The following CTNNA1 variants were observed in gnomAD, a reference collection of about 807,000 sequenced individuals.
CTNNA1 encodes catenin alpha-1.
CTNNA1 carries 37 observed loss-of-function variants against 98.4 expected under a neutral mutation model. The observed-to-expected ratio is 0.38, with a 90% confidence interval of 0.29 to 0.49. The LOEUF is 0.49. CTNNA1 is among the 20% of genes least tolerant of loss of function. The pLI is 0.95. For missense variants in CTNNA1, 761 were observed against 1,147.2 expected (o/e 0.66, Z 4.86); for synonymous variants, 404 against 413.2 (o/e 0.98, Z 0.27).
chr5:138,898,206 C>T (rs1757311940), intron 9 of CTNNA1, among the ~76,000 whole-genome samples: 1 of 116,890 alleles, frequency 8.6e-6, no homozygotes, highest in Non-Finnish European at 1.6e-5. Context: ...TGTGATATGT[C>T]TGCTCCCACC....
rs540261568 is a variant in CTNNA1 at position 138,753,430 on chromosome 5, C to G, written c.-83C>G. On this transcript the variant is annotated 5_prime_UTR_variant, in exon 1 of 18. Coordinates refer to ENST00000302763, the MANE Select transcript of CTNNA1 (RefSeq NM_001903.5). The stretch of plus-strand genomic sequence containing the variant: ...GGCGTGGGGCGGCCCATTTCCTCCT[C>G]CTAGCCGGACTGGAGGGAGACAAAG... 327 of 372,274 alleles carry G rather than the reference C, an allele frequency of 8.8e-4. 2 individuals are homozygous for G. The East Asian group carries it at 0.012, about 14-fold the overall frequency. 23.1% of individuals were successfully genotyped at this position (372,274 alleles called of 1,614,324 possible). A position where few individuals can be genotyped will look rare whatever the true frequency, so the allele number is the denominator to read the frequency against.
chr5:138,776,987 C>G (rs1754350198), intron 1 of CTNNA1, among the ~76,000 whole-genome samples: 1 of 142,122 alleles, frequency 7.0e-6, no homozygotes, highest in South Asian at 2.3e-4. Context: ...GGCGGCTGGC[C>G]TGGCGGGGGC....
chr5:138,787,413 G>A (rs535364330), intron 3 of CTNNA1, among the ~76,000 whole-genome samples: 20 of 151,270 alleles, frequency 1.3e-4, no homozygotes, highest in African/African-American at 4.1e-4. Context: ...GCGAGACTCC[G>A]TCTCCAAAAA....
chr5:138,837,809 T>TA (rs763185243), intron 7 of CTNNA1, among the ~76,000 whole-genome samples: 3 of 150,640 alleles, frequency 2.0e-5, no homozygotes, highest in Non-Finnish European at 3.0e-5. Context: ...TTTTTGTAGA[T>TA]ATGGGGTCTT....
At chr5:138,759,757 C>T (rs1752107303) in intron 1 of CTNNA1, among the ~76,000 whole-genome samples, 1 of 152,128 alleles carries the variant, frequency 6.6e-6, no homozygotes, top group Non-Finnish European at 1.5e-5. Context: ...TGGCTGGGGG[C>T]TAGGGAATGG....
intron 10 of CTNNA1, among the ~76,000 whole-genome samples, chr5:138,907,072 A>C (rs1000738198): frequency 3.9e-5 from 6 of 152,012 alleles, no homozygotes; most frequent in African/African-American, 1.5e-4. Context: ...CCCAGGCTGG[A>C]GTGCAGTAGC....
chr5:138,771,393 A>T (rs1250120951), intron 1 of CTNNA1, among the ~76,000 whole-genome samples: 2 of 152,004 alleles, frequency 1.3e-5, no homozygotes, highest in Non-Finnish European at 2.9e-5. Context: ...TATTTTTTGT[A>T]TATTTTTGAA....
chr5:138,782,857 C>A (rs749599152), intron 2 of CTNNA1, among the ~76,000 whole-genome samples: 1 of 152,170 alleles, frequency 6.6e-6, no homozygotes, highest in African/African-American at 2.4e-5. Context: ...TCTGGAACAT[C>A]TTGGTGACAT....
intron 11 of CTNNA1, among the ~76,000 whole-genome samples, chr5:138,922,710 G>C (rs1200058721): frequency 1.3e-5 from 2 of 152,168 alleles, no homozygotes; most frequent in Non-Finnish European, 2.9e-5. Flanking sequence ...CCCCCATCAG[G>C]TTCAGTTGTG....
intron 17 of CTNNA1, 87 bp from the exon 18 acceptor site, chr5:138,933,715 G>C (rs1765941688): frequency 7.1e-7 from 1 of 1,415,526 alleles, no homozygotes; most frequent in Non-Finnish European, 9.6e-7. Flanking sequence ...CAGAGGAGTA[G>C]GGGGCTCCCC....
chr5:138,934,193 C>A lies in CTNNA1; in HGVS notation c.*104C>A. 1 of 840,816 alleles carries A rather than the reference C, an allele frequency of 1.2e-6. No individual in the cohort carries two copies. The highest frequency in any genetic ancestry group is 2.6e-5 in the East Asian group (1 of 38,578). 52.1% of individuals were successfully genotyped at this position (840,816 alleles called of 1,614,324 possible). On this transcript the variant is annotated 3_prime_UTR_variant, in exon 18 of 18. Transcript: ENST00000302763. ...AATACAACACTGATACTAGATTCCA[C>A]AGGGAAATGGGCAGACTGAACCAGT...
In CTNNA1 at chr5:138,934,253, T is replaced by TTGA; in HGVS notation, c.*166_*168dup. On this transcript the variant is annotated 3_prime_UTR_variant, in exon 18 of 18. Coordinates refer to ENST00000302763, the MANE Select transcript of CTNNA1 (RefSeq NM_001903.5). The stretch of plus-strand genomic sequence containing the variant: ...GAATTTTCCAAGAACATAGTTTAAG[T>TTGA]TGATTAAAAATGCTTTTAGAATGCA... 1.7e-6 allele frequency: 1 copy of TTGA among 587,748 alleles called. No individual in the cohort carries two copies. The highest frequency in any genetic ancestry group is 3.0e-6 in the Non-Finnish European group (1 of 337,784). 36.4% of individuals were successfully genotyped at this position (587,748 alleles called of 1,614,324 possible). A position where few individuals can be genotyped will look rare whatever the true frequency, so the allele number is the denominator to read the frequency against.
At chr5:138,803,703 G>A (rs1757803681) in intron 3 of CTNNA1, among the ~76,000 whole-genome samples, 1 of 152,044 alleles carries the variant, frequency 6.6e-6, no homozygotes, top group African/African-American at 2.4e-5. Context: ...CAAATCAAAT[G>A]GTATTTTTTC....
intron 3 of CTNNA1, among the ~76,000 whole-genome samples, chr5:138,785,170 T>G (rs1031827324): frequency 6.7e-6 from 1 of 149,798 alleles, no homozygotes; most frequent in Admixed American, 6.7e-5. Context: ...CACGCCATTC[T>G]CCTGCCTCAG....
At chr5:138,801,928 A>G (rs1001325924) in intron 3 of CTNNA1, among the ~76,000 whole-genome samples, 5 of 152,234 alleles carry the variant, frequency 3.3e-5, no homozygotes, top group African/African-American at 4.8e-5. Flanking sequence ...AGTGAAGGCA[A>G]ACTTCTCGAC....
At chr5:138,858,230 A>G (rs1763903416) in intron 7 of CTNNA1, among the ~76,000 whole-genome samples, 1 of 151,826 alleles carries the variant, frequency 6.6e-6, no homozygotes, top group South Asian at 2.1e-4. Context: ...GGGCTCCAGC[A>G]GTCCTCCCAC....
chr5:138,810,439 C>A (rs1758564209), intron 4 of CTNNA1, among the ~76,000 whole-genome samples: 1 of 152,220 alleles, frequency 6.6e-6, no homozygotes, highest in South Asian at 2.1e-4. Flanking sequence ...AGCAAAGATA[C>A]TGTTTTGACT....
At chr5:138,795,982 G>A (rs1034599626) in intron 3 of CTNNA1, among the ~76,000 whole-genome samples, 1 of 152,082 alleles carries the variant, frequency 6.6e-6, no homozygotes, top group Non-Finnish European at 1.5e-5. Context: ...GATATGTTGG[G>A]TTTGATTATG....
intron 6 of CTNNA1, among the ~76,000 whole-genome samples, chr5:138,827,216 G>A (rs745651439): frequency 1.3e-5 from 2 of 151,952 alleles, no homozygotes; most frequent in Admixed American, 6.6e-5. Context: ...AGTCTTATAC[G>A]GGTTTACCTT....
Sources: allele counts gnomAD v4.1 joint callset (sites outside exome capture counted in the v4.1 genomes callset), GRCh38; gene constraint gnomAD v4.1.1; transcripts MANE v1.5; gene names NCBI Gene and HGNC (gene_info 2026-07-23, HGNC 2026-07-21).